Variants in VAV3 observed in about 807,000 individuals in gnomAD.
VAV3 encodes the protein vav guanine nucleotide exchange factor 3.
A neutral mutation model predicts 131.2 loss-of-function variants in VAV3; 94 were observed. The observed-to-expected ratio is 0.72, with a 90% CI of 0.61 to 0.85. The LOEUF (loss-of-function observed/expected upper bound fraction) is 0.85, where lower values mean the gene tolerates loss of function less well. Ranked by LOEUF, VAV3 falls within the 40% of genes least tolerant of loss-of-function variation. VAV3 has a pLI of 0.00. For synonymous variants in VAV3, 349 were observed against 342.0 expected (o/e 1.02, Z -0.22); for missense variants, 939 against 1,002.7 (o/e 0.94, Z 0.86).
chr1:107,574,988 TGTGTGC>T (rs1182264637), intron 25 of VAV3, among the ~76,000 whole-genome samples: 3 of 31,764 alleles, frequency 9.4e-5, no homozygotes, highest in African/African-American at 2.2e-4. Context: ...TGTGTGTGTG[TGTGTGC>T]GTGCGTGCGC....
chr1:107,704,916 A>C, intron 16 of VAV3, 44 bp downstream of exon 16: 1 of 1,544,846 alleles, frequency 6.5e-7, no homozygotes, highest in Non-Finnish European at 8.9e-7. Flanking sequence ...CTTAGCAATT[A>C]TATCAGTTCC....
At chr1:107,584,334 G>A (rs965180045) in intron 25 of VAV3, among the ~76,000 whole-genome samples, 26 of 152,116 alleles carry the variant, frequency 1.7e-4, no homozygotes, top group African/African-American at 6.0e-4. Flanking sequence ...TTACCATTCA[G>A]GACATAGGCA....
At chr1:107,933,380 C>T (rs1230461341) in intron 1 of VAV3, among the ~76,000 whole-genome samples, 2 of 151,804 alleles carry the variant, frequency 1.3e-5, no homozygotes, top group Non-Finnish European at 2.9e-5. Context: ...ACTCATTGCT[C>T]TTGAAAATCT....
chr1:107,870,936 C>T (rs1243175902), intron 2 of VAV3, among the ~76,000 whole-genome samples: 6 of 152,152 alleles, frequency 3.9e-5, no homozygotes, highest in Non-Finnish European at 7.4e-5. Flanking sequence ...TGGACAGTGG[C>T]AGCCTGACTT....
chr1:107,896,036 G>A (rs556101674), intron 1 of VAV3, among the ~76,000 whole-genome samples: 3 of 152,230 alleles, frequency 2.0e-5, no homozygotes, highest in South Asian at 2.1e-4. Flanking sequence ...GTAACTCTCC[G>A]TGCCAGAGGT....
intron 2 of VAV3, among the ~76,000 whole-genome samples, chr1:107,807,487 C>T (rs1406253168): frequency 1.3e-5 from 2 of 152,218 alleles, no homozygotes; most frequent in Non-Finnish European, 2.9e-5. Flanking sequence ...CCACATAACA[C>T]ACTTGCTACT....
chr1:107,743,406 G>A (rs72979644), intron 15 of VAV3, among the ~76,000 whole-genome samples: 4,017 of 152,258 alleles, frequency 0.026, 179 homozygotes, highest in African/African-American at 0.09. Context: ...TGTATCAAGC[G>A]TAATTCTTGG....
At chr1:107,718,457 A>G (rs1461264514) in intron 15 of VAV3, among the ~76,000 whole-genome samples, 1 of 152,206 alleles carries the variant, frequency 6.6e-6, no homozygotes, top group Non-Finnish European at 1.5e-5. Flanking sequence ...CCCATTCACA[A>G]TTGCTACAAA....
intron 22 of VAV3, among the ~76,000 whole-genome samples, chr1:107,606,540 C>A (rs1267284651): frequency 6.6e-6 from 1 of 152,054 alleles, no homozygotes; most frequent in Admixed American, 6.6e-5. Context: ...TCTGGAATTC[C>A]TGCTACTTGA....
intron 1 of VAV3, among the ~76,000 whole-genome samples, chr1:107,890,142 G>A (rs375259655): frequency 4.9e-4 from 74 of 152,142 alleles, no homozygotes; most frequent in African/African-American, 1.1e-3. Flanking sequence ...TAAAATCACC[G>A]TATCAGCAAG....
At chr1:107,662,455 A>G (rs538720736) in intron 19 of VAV3, among the ~76,000 whole-genome samples, 6 of 152,344 alleles carry the variant, frequency 3.9e-5, no homozygotes, top group South Asian at 4.1e-4. Flanking sequence ...TCACAGGGAT[A>G]TAAGTTATCT....
chr1:107,779,406 A>C, intron 3 of VAV3, 28 bp downstream of exon 3: 1 of 1,563,450 alleles, frequency 6.4e-7, no homozygotes, highest in Non-Finnish European at 8.7e-7. Context: ...ACTCAATGGG[A>C]CACATGAACA....
chr1:107,602,382 A>C lies in VAV3; in HGVS notation c.2220+15T>G. The C allele has an allele frequency of 1.3e-6, 2 of 1,501,802 alleles. No individual in the cohort carries two copies. The highest frequency in any genetic ancestry group is 4.9e-5 in the East Asian group (2 of 40,490). The allele number at this position is 1,501,802 out of a possible 1,614,324, so 93.0% of individuals were successfully genotyped here. ...AATAAGGATCCCAGATTGAAAAGAA[A>C]TAATCAATGCTTACCATTAAACTTT... On this transcript the variant is annotated intron_variant, in intron 24 of 26. Transcript: ENST00000370056.
intron 21 of VAV3, among the ~76,000 whole-genome samples, chr1:107,616,633 A>G (rs987184717): frequency 1.3e-5 from 2 of 152,224 alleles, no homozygotes; most frequent in African/African-American, 4.8e-5. Context: ...CCAACAGAGT[A>G]ACAGACGCTT....
Position 107,755,472 on chromosome 1 carries a change from C to G in VAV3, c.1128G>C (p.Glu376Asp), listed in dbSNP as rs1664050916. Reference sequence around the variant, plus strand: ...GAAACTGTTTAATTTCACGAAGGGTCTCATTATCTCTTTTCACTTCATTCA... The same window carrying G: ...GAAACTGTTTAATTTCACGAAGGGTGTCATTATCTCTTTTCACTTCATTCA... ...QYVNEVKRDN[E>D]TLREIKQFQL... is the part of the protein sequence containing the mutation. Residue 376 changes from glutamate (E) to aspartate (D), a missense_variant, in exon 12 of 27, where the codon GAG (glutamate) becomes GAC (aspartate). Glu to Asp is a conservative substitution (Grantham distance 45). Transcript: ENST00000370056. 6.2e-7 allele frequency: 1 copy of G among 1,613,574 alleles called. No individual in the cohort carries two copies.
intron 1 of VAV3, among the ~76,000 whole-genome samples, chr1:107,901,033 G>A (rs2101088211): frequency 6.6e-6 from 1 of 152,272 alleles, no homozygotes; most frequent in African/African-American, 2.4e-5. Flanking sequence ...AATAAGATAT[G>A]CCAGACTGTA....
In VAV3 at chr1:107,603,026, A is replaced by G. The variant is rs372556948; in HGVS notation, c.2132+21T>C. ...ATGAAAACAGGAAATCTATTTCTGT[A>G]AAAGTACTTGTCCTACTTACTTAAT... is the stretch of plus-strand genomic sequence containing the variant. On this transcript the variant is annotated intron_variant, in intron 23 of 26. Transcript: ENST00000370056. 3.8e-4 allele frequency: 602 copies of G among 1,575,094 alleles called. 1 individual carries two copies. The South Asian group carries it at 4.6e-3, about 12-fold the overall frequency.
At chr1:107,617,398 A>G (rs1653239501) in intron 21 of VAV3, among the ~76,000 whole-genome samples, 169 bp downstream of exon 21, 1 of 152,154 alleles carries the variant, frequency 6.6e-6, no homozygotes, top group South Asian at 2.1e-4. Context: ...ATATTAAAAA[A>G]CATATTCTGA....
At chr1:107,831,102 A>G (rs748365006) in intron 2 of VAV3, among the ~76,000 whole-genome samples, 21 of 152,036 alleles carry the variant, frequency 1.4e-4, no homozygotes, top group Non-Finnish European at 2.5e-4. Context: ...CAGATGCTCA[A>G]CCAGTAATAA....
Sources: allele counts gnomAD v4.1 joint callset (sites outside exome capture counted in the v4.1 genomes callset), GRCh38; gene constraint gnomAD v4.1.1; transcripts MANE v1.5; gene names NCBI Gene and HGNC (gene_info 2026-07-23, HGNC 2026-07-21).